The following PIGL variants were observed in gnomAD, a reference collection of about 807,000 sequenced individuals.
PIGL encodes phosphatidylinositol glycan anchor biosynthesis class L, also known as N-acetylglucosaminyl-phosphatidylinositol de-N-acetylase.
Under a neutral mutation model 31.1 loss-of-function variants are expected in PIGL, and 22 were observed. The observed-to-expected ratio is 0.71, with a 90% confidence interval of 0.51 to 1.01. PIGL has a LOEUF of 1.01. PIGL is among the 50% of genes least tolerant of loss of function. The pLI, the probability that PIGL is intolerant of heterozygous loss-of-function variation, is 0.00. For missense variants in PIGL, 302 were observed against 315.9 expected (o/e 0.96, Z 0.33); for synonymous variants, 131 against 117.4 (o/e 1.12, Z -0.75).
At chr17:16,280,697 T>C (rs1034281105) in intron 2 of PIGL, among the ~76,000 whole-genome samples, 2 of 150,196 alleles carry the variant, frequency 1.3e-5, no homozygotes, top group Non-Finnish European at 2.9e-5. Flanking sequence ...TCACTCAGTG[T>C]TTTTTTTGTT....
At chr17:16,223,398 G>A (rs2092638149) in intron 1 of PIGL, among the ~76,000 whole-genome samples, 3 of 151,900 alleles carry the variant, frequency 2.0e-5, no homozygotes, top group Non-Finnish European at 2.9e-5. Flanking sequence ...CAAACACGGC[G>A]AAACCCCATC....
intron 2 of PIGL, among the ~76,000 whole-genome samples, chr17:16,275,422 T>A (rs2092890629): frequency 6.6e-6 from 1 of 152,126 alleles, no homozygotes; most frequent in South Asian, 2.1e-4. Flanking sequence ...ATCAGTAAGG[T>A]CTTTATGACG....
At chr17:16,235,958 A>G (rs980392161) in intron 2 of PIGL, among the ~76,000 whole-genome samples, 1 of 152,048 alleles carries the variant, frequency 6.6e-6, no homozygotes, top group Non-Finnish European at 1.5e-5. Context: ...TCAAACTTTC[A>G]TATGTTCTCA....
chr17:16,225,460 C>T (rs2092648134), intron 1 of PIGL, among the ~76,000 whole-genome samples: 1 of 146,488 alleles, frequency 6.8e-6, no homozygotes, highest in Non-Finnish European at 1.5e-5. Context: ...ACAATCTCAG[C>T]TCACTGCAAG....
chr17:16,260,372 A>G (rs1028429426), intron 2 of PIGL, among the ~76,000 whole-genome samples: 6 of 152,148 alleles, frequency 3.9e-5, no homozygotes, highest in African/African-American at 1.4e-4. Context: ...ATGGCAAACC[A>G]TGGACCAATT....
In PIGL at chr17:16,326,213, G is replaced by T; in HGVS notation, c.*315G>T. 3.3e-6 allele frequency: 1 copy of T among 303,448 alleles called. No individual in the cohort carries two copies. The highest frequency in any genetic ancestry group is 6.1e-6 in the Non-Finnish European group (1 of 163,928). The allele number at this position is 303,448 out of a possible 1,614,324, so 18.8% of individuals were successfully genotyped here. ...AACACCTAGCCCAGTGCCTGGGCAG[G>T]TCCCTATTATCATAAATGAACATAA... On this transcript the variant is annotated 3_prime_UTR_variant, in exon 7 of 7. Coordinates refer to ENST00000225609, the MANE Select transcript of PIGL (RefSeq NM_004278.4).
chr17:16,270,276 C>G (rs950625718), intron 2 of PIGL, among the ~76,000 whole-genome samples: 40 of 115,598 alleles, frequency 3.5e-4, no homozygotes, highest in African/African-American at 1.3e-3. Context: ...GTGACAAGAG[C>G]GAAACTCCAT....
intron 2 of PIGL, among the ~76,000 whole-genome samples, chr17:16,288,876 G>A (rs915365740): frequency 1.3e-5 from 2 of 152,198 alleles, no homozygotes; most frequent in Admixed American, 1.3e-4. Flanking sequence ...GTTTTAAGTA[G>A]TCCTAGATTT....
At chr17:16,292,616 A>G (rs556732958) in intron 2 of PIGL, among the ~76,000 whole-genome samples, 1 of 152,218 alleles carries the variant, frequency 6.6e-6, no homozygotes, top group Non-Finnish European at 1.5e-5. Context: ...TTACAATACT[A>G]AAAAATTGGA....
intron 3 of PIGL, among the ~76,000 whole-genome samples, chr17:16,300,749 G>A (rs530517001): frequency 6.6e-6 from 1 of 152,116 alleles, no homozygotes; most frequent in South Asian, 2.1e-4. Context: ...AGGCCAAGCA[G>A]CTTGTCCAAG....
chr17:16,267,845 A>G (rs959772027), intron 2 of PIGL, among the ~76,000 whole-genome samples: 2 of 152,176 alleles, frequency 1.3e-5, no homozygotes, highest in East Asian at 1.9e-4. Flanking sequence ...TTGGAGCACC[A>G]GAATGTTTGT....
chr17:16,232,884 C>CT (rs1281452163), intron 1 of PIGL, among the ~76,000 whole-genome samples: 1 of 152,044 alleles, frequency 6.6e-6, no homozygotes, highest in Non-Finnish European at 1.5e-5. Context: ...CTTTGGGAGG[C>CT]TGAGGCGGAT....
At chr17:16,267,986 G>A (rs1568810479) in intron 2 of PIGL, among the ~76,000 whole-genome samples, 2 of 152,146 alleles carry the variant, frequency 1.3e-5, no homozygotes, top group South Asian at 2.1e-4. Flanking sequence ...GAACAGACTC[G>A]TCCCTCAAGG....
At chr17:16,235,560 C>T (rs191866229) in intron 2 of PIGL, among the ~76,000 whole-genome samples, 192 of 151,390 alleles carry the variant, frequency 1.3e-3, no homozygotes, top group Non-Finnish European at 2.3e-3. Flanking sequence ...GGTTCTCCCC[C>T]CTCAGTCTCC....
chr17:16,306,893 G>A (rs1276279692), intron 3 of PIGL, among the ~76,000 whole-genome samples: 1 of 152,164 alleles, frequency 6.6e-6, no homozygotes, highest in East Asian at 1.9e-4. Context: ...GAGACAGTCA[G>A]GAGAGTAGGG....
At chr17:16,269,646 C>G (rs1158924074) in intron 2 of PIGL, among the ~76,000 whole-genome samples, 2 of 109,872 alleles carry the variant, frequency 1.8e-5, no homozygotes, top group African/African-American at 3.5e-5. Context: ...GAGACTCCGT[C>G]TCAAAAAAAA....
At position 16,325,825 on chromosome 17, in the gene PIGL, A is replaced by G; in HGVS notation, c.686A>G (p.Gln229Arg). The change falls in exon 7 of 7, where the codon CAG becomes CGG. Residue 229 changes from glutamine to arginine, a missense_variant. Coordinates refer to ENST00000225609, the MANE Select transcript of PIGL (RefSeq NM_004278.4). ...AKKAMSCHRS[Q>R]LLWFRRLYII... ...AAAGCCATGTCCTGCCACCGCAGCC[A>G]GCTCCTCTGGTTCCGCCGCCTCTAC... 1 of 1,613,966 alleles carries G rather than the reference A, an allele frequency of 6.2e-7. No individual in the cohort carries two copies. The highest frequency in any genetic ancestry group is 8.5e-7 in the Non-Finnish European group (1 of 1,179,838).
At chr17:16,314,902 G>A (rs2142866926) in intron 4 of PIGL, among the ~76,000 whole-genome samples, 1 of 152,268 alleles carries the variant, frequency 6.6e-6, no homozygotes, top group African/African-American at 2.4e-5. Context: ...TGGAGAACTG[G>A]AAAAATGGTC....
chr17:16,316,760 A>G, intron 5 of PIGL, 48 bp downstream of exon 5: 1 of 1,603,968 alleles, frequency 6.2e-7, no homozygotes, highest in Non-Finnish European at 8.5e-7. Context: ...TGTCCCTCTG[A>G]GAAACTTATG....
Sources: gnomAD v4.1 joint callset for allele counts (sites outside exome capture counted in the v4.1 genomes callset) on GRCh38, gnomAD v4.1.1 for gene constraint, MANE v1.5 for transcripts, NCBI Gene and HGNC (gene_info 2026-07-23, HGNC 2026-07-21) for gene names.